The following ASIC2 variants were observed in gnomAD, a reference collection of about 807,000 sequenced individuals.
ASIC2 encodes acid-sensing ion channel 2.
Under a neutral mutation model 57.3 loss-of-function variants are expected in ASIC2, and 25 were observed. That is an observed-to-expected ratio of 0.44 (90% CI 0.32 to 0.61). The LOEUF (loss-of-function observed/expected upper bound fraction) is 0.61, where lower values mean the gene tolerates loss of function less well. ASIC2 is among the 20% of genes least tolerant of loss of function. The probability of loss-of-function intolerance (pLI) is 0.06; values close to 1 mark genes in which losing one functional copy is unlikely to be tolerated. For synonymous variants in ASIC2, 319 were observed against 307.5 expected (o/e 1.04, Z -0.39); for missense variants, 641 against 738.1 (o/e 0.87, Z 1.52).
chr17:33,167,618 C>T (rs1905350937), intron 1 of ASIC2, among the ~76,000 whole-genome samples: 1 of 152,168 alleles, frequency 6.6e-6, no homozygotes, highest in Admixed American at 6.5e-5. Flanking sequence ...TCTTTAATGG[C>T]TCCCCACTGC....
At chr17:33,105,700 G>C (rs1273326090) in intron 2 of ASIC2, among the ~76,000 whole-genome samples, 1 of 152,182 alleles carries the variant, frequency 6.6e-6, no homozygotes, top group Non-Finnish European at 1.5e-5. Context: ...GAAGATGGGG[G>C]AAGTTTGGAA....
intron 1 of ASIC2, among the ~76,000 whole-genome samples, chr17:33,364,961 A>G (rs1908750720): frequency 6.6e-6 from 1 of 152,196 alleles, no homozygotes; most frequent in Non-Finnish European, 1.5e-5. Flanking sequence ...ACATCTGGCC[A>G]GGCCATCCTC....
At chr17:34,108,445 C>T (rs1911146112) in intron 1 of ASIC2, among the ~76,000 whole-genome samples, 1 of 152,008 alleles carries the variant, frequency 6.6e-6, no homozygotes, top group African/African-American at 2.4e-5. Context: ...AAAATATTTA[C>T]TTTTATTGGT....
At chr17:33,646,356 A>G (rs1439024778) in intron 1 of ASIC2, among the ~76,000 whole-genome samples, 1 of 152,222 alleles carries the variant, frequency 6.6e-6, no homozygotes, top group East Asian at 1.9e-4. Context: ...ATTTGAGGGA[A>G]GGAAGAGATG....
At chr17:33,019,521 G>A (rs2091825601) in intron 7 of ASIC2, among the ~76,000 whole-genome samples, 1 of 151,996 alleles carries the variant, frequency 6.6e-6, no homozygotes, top group African/African-American at 2.4e-5. Flanking sequence ...TGCAGACTGG[G>A]GTGGGGTATG....
At chr17:33,873,679 C>T (rs552061048) in intron 1 of ASIC2, among the ~76,000 whole-genome samples, 1 of 152,280 alleles carries the variant, frequency 6.6e-6, no homozygotes, top group African/African-American at 2.4e-5. Context: ...TACAAAAGCA[C>T]CCAATGCAAA....
chr17:33,812,209 G>A (rs959180584), intron 1 of ASIC2, among the ~76,000 whole-genome samples: 1 of 152,098 alleles, frequency 6.6e-6, no homozygotes, highest in African/African-American at 2.4e-5. Context: ...GGCATCCTTT[G>A]CCAATTGCTC....
intron 1 of ASIC2, among the ~76,000 whole-genome samples, chr17:33,956,704 T>G (rs1453402855): frequency 1.3e-5 from 2 of 152,208 alleles, no homozygotes; most frequent in African/African-American, 4.8e-5. Flanking sequence ...CAGCCATGTG[T>G]TCAATGCCTG....
rs73287810 is a variant in ASIC2 at position 33,365,570 on chromosome 17, C to T, written c.556-253503G>A. 6.6e-3 allele frequency among the ~76,000 whole-genome samples: 1,011 copies of T among 152,200 alleles called. 16 individuals carry two copies. Among genetic ancestry groups the T allele is most frequent in the African/African-American group, 0.024 (981 of 41,538 alleles). Reference sequence around the variant, plus strand: ...CCTGTTACACACTGTGTTTGTCAGCCTATCAATTCCTTTTACCACAAGAGG... The same window carrying T: ...CCTGTTACACACTGTGTTTGTCAGCTTATCAATTCCTTTTACCACAAGAGG... On this transcript the variant is annotated intron_variant, in intron 1 of 9. Coordinates refer to the ASIC2 transcript ENST00000359872.
chr17:33,578,291 C>T (rs181445240), intron 1 of ASIC2, among the ~76,000 whole-genome samples: 1 of 152,286 alleles, frequency 6.6e-6, no homozygotes, highest in Admixed American at 6.5e-5. Flanking sequence ...CACAGTGAAA[C>T]ACTGTGGTTT....
chr17:33,933,105 C>T (rs1915981087), intron 1 of ASIC2, among the ~76,000 whole-genome samples: 1 of 152,162 alleles, frequency 6.6e-6, no homozygotes, highest in South Asian at 2.1e-4. Context: ...CTCCAGTCAA[C>T]CTGACCTTGC....
chr17:33,541,750 C>T (rs1915418284), intron 1 of ASIC2, among the ~76,000 whole-genome samples: 1 of 152,150 alleles, frequency 6.6e-6, no homozygotes, highest in Non-Finnish European at 1.5e-5. Context: ...TGCCCCTTCC[C>T]AAGCAGCCAC....
chr17:34,065,723 A>T (rs1004319412), intron 1 of ASIC2, among the ~76,000 whole-genome samples: 1 of 152,154 alleles, frequency 6.6e-6, no homozygotes, highest in Admixed American at 6.5e-5. Flanking sequence ...TCTGAGGAAG[A>T]GGGACGTAGA....
chr17:33,566,172 G>A (rs930609316), intron 1 of ASIC2, among the ~76,000 whole-genome samples: 2 of 152,242 alleles, frequency 1.3e-5, no homozygotes, highest in Admixed American at 1.3e-4. Context: ...GGAACTTGAA[G>A]TACAGAATAG....
intron 1 of ASIC2, among the ~76,000 whole-genome samples, chr17:33,802,865 AT>A (rs1469152326): frequency 6.6e-6 from 1 of 152,192 alleles, no homozygotes; most frequent in Non-Finnish European, 1.5e-5. Flanking sequence ...GTGAAGGGCA[AT>A]TCCACAATGA....
In ASIC2 at chr17:33,392,170, TCTTCCTTCCTTCCTTCCTTC is replaced by T. The variant is rs1281226603; in HGVS notation, c.556-280123_556-280104del. On this transcript the variant is annotated intron_variant, in intron 1 of 9. Transcript: ENST00000359872. ...AGTCCCCTTTTTCTTTCTTTTCCTT[TCTTCCTTCCTTCCTTCCTTC>T]CTTCCCTCCTTCCTTCCTTCCTTCC... 2.3e-5 allele frequency among the ~76,000 whole-genome samples: 3 copies of T among 128,978 alleles called. No individual in the cohort carries two copies. In the South Asian group the frequency reaches 8.4e-4, roughly 36 times the overall value. The allele number at this position is 128,978 out of a possible 152,430, so 84.6% of individuals were successfully genotyped here.
chr17:33,146,172 G>A (rs1343678532), intron 1 of ASIC2, among the ~76,000 whole-genome samples: 1 of 152,132 alleles, frequency 6.6e-6, no homozygotes, highest in Non-Finnish European at 1.5e-5. Context: ...AGTCAATGAC[G>A]AATCCCTGGA....
At chr17:34,132,609 C>T (rs12951400) in intron 1 of ASIC2, among the ~76,000 whole-genome samples, 6 of 71,196 alleles carry the variant, frequency 8.4e-5, no homozygotes, top group South Asian at 5.0e-4. Flanking sequence ...TTTTACAGAG[C>T]ACTGATTGGT....
At chr17:33,674,004 C>G (rs570416068) in intron 1 of ASIC2, among the ~76,000 whole-genome samples, 45 of 152,026 alleles carry the variant, frequency 3.0e-4, no homozygotes, top group African/African-American at 6.5e-4. Context: ...AGCGATTTCC[C>G]TGCCTCAGCC....
Sources: allele counts gnomAD v4.1 joint callset (sites outside exome capture counted in the v4.1 genomes callset), GRCh38; gene constraint gnomAD v4.1.1; transcripts MANE v1.5; gene names NCBI Gene and HGNC (gene_info 2026-07-23, HGNC 2026-07-21).